Variants in CELF4 observed in about 807,000 individuals in gnomAD.
CELF4 encodes the protein CUG-BP- and ETR-3-like factor 4.
CELF4 carries 18 observed loss-of-function variants against 59.9 expected under a neutral mutation model. That is an observed-to-expected ratio of 0.30 (90% CI 0.21 to 0.45). The LOEUF (loss-of-function observed/expected upper bound fraction) is 0.45. CELF4 is among the 20% of genes least tolerant of loss of function. CELF4 has a pLI of 1.00. For synonymous variants in CELF4, 261 were observed against 267.1 expected (o/e 0.98, Z 0.22); for missense variants, 456 against 689.0 (o/e 0.66, Z 3.79).
chr18:37,496,829 A>G (rs1488880611), intron 1 of CELF4, among the ~76,000 whole-genome samples: 1 of 152,180 alleles, frequency 6.6e-6, no homozygotes, highest in Admixed American at 6.5e-5. Context: ...ATTTAGCAAT[A>G]TTTAACCTGA....
chr18:37,417,285 G>A (rs966742849), intron 2 of CELF4, among the ~76,000 whole-genome samples: 3 of 152,154 alleles, frequency 2.0e-5, no homozygotes, highest in African/African-American at 7.2e-5. Flanking sequence ...GCAATGAGCA[G>A]TCACTGGGGA....
At chr18:37,261,438 C>T (rs906981155) in intron 10 of CELF4, among the ~76,000 whole-genome samples, 8 of 152,328 alleles carry the variant, frequency 5.3e-5, no homozygotes, top group African/African-American at 9.6e-5. Flanking sequence ...ATCCCACATG[C>T]GCGGTGTGTG....
intron 2 of CELF4, among the ~76,000 whole-genome samples, chr18:37,375,900 CATGGGCTGGA>C (rs1036853354): frequency 3.9e-5 from 6 of 152,226 alleles, no homozygotes; most frequent in Non-Finnish European, 7.3e-5. Context: ...AGCCCCTCCC[CATGGGCTGGA>C]GGAGGCCTTT....
intron 9 of CELF4, among the ~76,000 whole-genome samples, chr18:37,264,973 T>C (rs562203715): frequency 1.3e-5 from 2 of 152,142 alleles, no homozygotes; most frequent in African/African-American, 2.4e-5. Flanking sequence ...TGTACGTGTG[T>C]GTGTGCGTGT....
intron 2 of CELF4, among the ~76,000 whole-genome samples, chr18:37,395,725 C>T (rs1311137529): frequency 6.6e-6 from 1 of 152,148 alleles, no homozygotes; most frequent in African/African-American, 2.4e-5. Context: ...TTGTTGGGGG[C>T]CAGCCTGGCT....
At chr18:37,423,083 G>GAGAC (rs2099589686) in intron 2 of CELF4, among the ~76,000 whole-genome samples, 1 of 56,580 alleles carries the variant, frequency 1.8e-5, no homozygotes, top group African/African-American at 3.9e-5. Flanking sequence ...CACACACACA[G>GAGAC]AGACAGAGAG....
intron 2 of CELF4, among the ~76,000 whole-genome samples, chr18:37,460,501 G>A (rs940728956): frequency 6.6e-6 from 1 of 152,168 alleles, no homozygotes; most frequent in African/African-American, 2.4e-5. Context: ...GTGGAACACA[G>A]AATGGTCTGC....
At chr18:37,330,683 A>T (rs1323937595) in intron 2 of CELF4, among the ~76,000 whole-genome samples, 2 of 152,228 alleles carry the variant, frequency 1.3e-5, no homozygotes, top group East Asian at 3.9e-4. Context: ...GGAGGTACTG[A>T]CCAAATGATG....
chr18:37,249,199 T>G (rs137944040), intron 12 of CELF4, among the ~76,000 whole-genome samples: 2,073 of 151,778 alleles, frequency 0.014, 23 homozygotes, highest in Non-Finnish European at 0.021. Flanking sequence ...CACTTCCAAC[T>G]CCTCCCAGAA....
chr18:37,299,967 C>T lies in CELF4; in HGVS notation c.448+21836G>A, dbSNP rs77761965. Among the ~76,000 whole-genome samples the T allele has an allele frequency of 2.6e-3, 397 of 152,294 alleles. 3 individuals carry two copies. Among genetic ancestry groups the T allele is most frequent in the African/African-American group, 9.0e-3 (373 of 41,572 alleles). On this transcript the variant is annotated intron_variant, in intron 3 of 12. Transcript: ENST00000420428. ...CCACAACCCCCACCATCTAGACCCTCCAGCTCTCTGGATCATTGCAAGCTT... is the reference window on the plus strand; with the variant it reads ...CCACAACCCCCACCATCTAGACCCTTCAGCTCTCTGGATCATTGCAAGCTT...
Position 37,408,495 on chromosome 18 carries a change from G to A in CELF4, c.369+77030C>T, listed in dbSNP as rs1275502985. ...TTTTTCCCCCTTTGGTTGGTGCCGG[G>A]GGGGGGCGCGGTGCAGGAGGATGTG... On this transcript the variant is annotated intron_variant, in intron 2 of 12. Coordinates refer to ENST00000420428, the MANE Select transcript of CELF4 (RefSeq NM_020180.4). Among the ~76,000 whole-genome samples, 512 of 122,222 alleles carry A rather than the reference G, an allele frequency of 4.2e-3. 13 individuals carry two copies. The highest frequency in any genetic ancestry group is 0.015 in the African/African-American group (489 of 33,264). 80.2% of individuals were successfully genotyped at this position (122,222 alleles called of 152,430 possible). A position where few individuals can be genotyped will look rare whatever the true frequency, so the allele number is the denominator to read the frequency against.
chr18:37,358,785 GAC>G (rs1424479908), intron 2 of CELF4, among the ~76,000 whole-genome samples: 1 of 151,934 alleles, frequency 6.6e-6, no homozygotes, highest in Admixed American at 6.6e-5. Context: ...CCTGTGGCCT[GAC>G]ACAGAGTAGG....
intron 1 of CELF4, among the ~76,000 whole-genome samples, chr18:37,532,542 A>C (rs545897822): frequency 1.2e-4 from 19 of 152,302 alleles, no homozygotes; most frequent in Non-Finnish European, 2.4e-4. Flanking sequence ...GGGAAACAGG[A>C]AATATATGCT....
At chr18:37,456,555 C>A (rs558700118) in intron 2 of CELF4, among the ~76,000 whole-genome samples, 22 of 152,156 alleles carry the variant, frequency 1.4e-4, no homozygotes, top group Non-Finnish European at 2.2e-4. Flanking sequence ...GAACATGACT[C>A]CCTTATCTGC....
chr18:37,272,467 T>C (rs907162589), intron 7 of CELF4, among the ~76,000 whole-genome samples: 9 of 151,692 alleles, frequency 5.9e-5, no homozygotes, highest in Non-Finnish European at 1.3e-4. Flanking sequence ...GTGAGCTGGG[T>C]TCTTTCCAAA....
At chr18:37,270,686 T>TCTTGTTATAACAGCC (rs2090744551) in intron 8 of CELF4, 82 bp downstream of exon 8, 1 of 1,535,412 alleles carries the variant, frequency 6.5e-7, no homozygotes, top group Non-Finnish European at 9.0e-7. Context: ...AGGAGCCACA[T>TCTTGTTATAACAGCC]CTTGTTATAA....
At chr18:37,270,197 A>C (rs903908340) in intron 8 of CELF4, among the ~76,000 whole-genome samples, 1 of 147,968 alleles carries the variant, frequency 6.8e-6, no homozygotes, top group Non-Finnish European at 1.5e-5. Context: ...ATTTGAAAAA[A>C]TAGTCTAGGA....
At chr18:37,354,046 C>T (rs12608132) in intron 2 of CELF4, among the ~76,000 whole-genome samples, 117,462 of 152,018 alleles carry the variant, frequency 0.77, 45,704 homozygotes, top group East Asian at 0.92. Flanking sequence ...TGAGCCACTG[C>T]GCCTGGCCTG....
chr18:37,369,118 C>G (rs561418257), intron 2 of CELF4, among the ~76,000 whole-genome samples: 2 of 152,354 alleles, frequency 1.3e-5, no homozygotes, highest in African/African-American at 4.8e-5. Context: ...CTCCTGCCCC[C>G]AGGCCCTCCC....
Sources: gnomAD v4.1 joint callset for allele counts (sites outside exome capture counted in the v4.1 genomes callset) on GRCh38, gnomAD v4.1.1 for gene constraint, MANE v1.5 for transcripts, NCBI Gene and HGNC (gene_info 2026-07-23, HGNC 2026-07-21) for gene names.